Variants in TCF12 observed in about 807,000 individuals in gnomAD.
TCF12 encodes the protein DNA-binding protein HTF4.
In TCF12, 45 loss-of-function variants were observed where a neutral mutation model predicts 86.0. The observed-to-expected ratio is 0.52, with a 90% CI of 0.41 to 0.67. The LOEUF is 0.67. TCF12 is among the 30% of genes least tolerant of loss of function. The probability of loss-of-function intolerance (pLI) is 0.00; values close to 1 mark genes in which losing one functional copy is unlikely to be tolerated. For missense variants in TCF12, 881 were observed against 859.9 expected (o/e 1.02, Z -0.31); for synonymous variants, 330 against 299.6 (o/e 1.10, Z -1.05).
At chr15:56,954,507 A>C (rs1476013124) in intron 3 of TCF12, among the ~76,000 whole-genome samples, 1 of 152,364 alleles carries the variant, frequency 6.6e-6, no homozygotes, top group African/African-American at 2.4e-5. Flanking sequence ...GGAGATAGGC[A>C]TGGGCAAGGA....
intron 4 of TCF12, among the ~76,000 whole-genome samples, chr15:57,067,266 C>T (rs1367037397): frequency 6.6e-6 from 1 of 152,092 alleles, no homozygotes; most frequent in Non-Finnish European, 1.5e-5. Context: ...ATAGGCCGGG[C>T]GCGGTGGCTC....
chr15:57,180,806 A>ATTTTTTTT (rs34557385), intron 6 of TCF12, among the ~76,000 whole-genome samples: 839 of 82,114 alleles, frequency 0.01, 83 homozygotes, highest in South Asian at 0.023. Context: ...GATGCTAATA[A>ATTTTTTTT]TTTTTTTTTT....
chr15:57,243,689 C>T, intron 13 of TCF12, 139 bp downstream of exon 13: 1 of 655,234 alleles, frequency 1.5e-6, no homozygotes. Context: ...GTAAAGAGAG[C>T]CTTCCTCTTG....
intron 8 of TCF12, among the ~76,000 whole-genome samples, chr15:57,219,915 G>A (rs2058508957): frequency 6.6e-6 from 1 of 151,754 alleles, no homozygotes; most frequent in South Asian, 2.1e-4. Flanking sequence ...TAGTAGAGAC[G>A]CGGTTTTATC....
At chr15:57,026,280 A>G (rs2065821060) in intron 3 of TCF12, among the ~76,000 whole-genome samples, 2 of 152,234 alleles carry the variant, frequency 1.3e-5, no homozygotes, top group South Asian at 4.1e-4. Flanking sequence ...ATAGTGTGCC[A>G]AACTCTTCTC....
intron 8 of TCF12, among the ~76,000 whole-genome samples, chr15:57,220,951 A>G (rs1395414253): frequency 6.6e-6 from 1 of 152,154 alleles, no homozygotes; most frequent in African/African-American, 2.4e-5. Context: ...AGAATATTCA[A>G]TTACATTTTA....
chr15:57,047,157 C>T (rs191543109), intron 3 of TCF12, among the ~76,000 whole-genome samples: 60 of 152,266 alleles, frequency 3.9e-4, no homozygotes, highest in Admixed American at 3.5e-3. Flanking sequence ...ATTTTGCCAG[C>T]GTTTTGCTGT....
chr15:56,928,913 G>A (rs538301208), intron 3 of TCF12, among the ~76,000 whole-genome samples: 3 of 152,264 alleles, frequency 2.0e-5, no homozygotes, highest in South Asian at 2.1e-4. Context: ...AGGGTAGAAC[G>A]TATTCACTTT....
At chr15:57,221,852 G>T (rs1443477468) in intron 8 of TCF12, among the ~76,000 whole-genome samples, 1 of 151,976 alleles carries the variant, frequency 6.6e-6, no homozygotes, top group Non-Finnish European at 1.5e-5. Context: ...TAAGAAAATC[G>T]TGGTATGTAA....
At chr15:57,182,282 T>A (rs1231970004) in intron 6 of TCF12, among the ~76,000 whole-genome samples, 2 of 152,186 alleles carry the variant, frequency 1.3e-5, no homozygotes, top group African/African-American at 4.8e-5. Context: ...GTTGCCTAAA[T>A]GTTTGAAGAA....
At chr15:57,127,108 G>A (rs1052945158) in intron 5 of TCF12, among the ~76,000 whole-genome samples, 2 of 151,306 alleles carry the variant, frequency 1.3e-5, no homozygotes, top group South Asian at 4.2e-4. Context: ...TTAGCCTCCT[G>A]AGTAGCTGGG....
At chr15:57,188,722 A>G (rs1312445645) in intron 6 of TCF12, among the ~76,000 whole-genome samples, 1 of 152,348 alleles carries the variant, frequency 6.6e-6, no homozygotes, top group South Asian at 2.1e-4. Context: ...TGGGACTGGG[A>G]TAACTGGATA....
At chr15:57,219,126 C>G in intron 8 of TCF12, 1 of 1,063,350 alleles carries the variant, frequency 9.4e-7, no homozygotes, top group Non-Finnish European at 1.1e-6. Context: ...AAACTAAAAA[C>G]AGATTAGCAG....
chr15:57,234,164 ATTAGAT>A, intron 12 of TCF12, 57 bp downstream of exon 12: 1 of 1,354,272 alleles, frequency 7.4e-7, no homozygotes, highest in Non-Finnish European at 1.1e-6. Context: ...GAATACAGTG[ATTAGAT>A]TTTGTAGGTG....
chr15:57,028,537 TGCCAG>T (rs2065958727), intron 3 of TCF12, among the ~76,000 whole-genome samples: 1 of 152,212 alleles, frequency 6.6e-6, no homozygotes, highest in Admixed American at 6.5e-5. Context: ...TAAATCAAGT[TGCCAG>T]CTTTTTGTTA....
chr15:57,111,774 G>A (rs1013495391), intron 5 of TCF12, among the ~76,000 whole-genome samples: 1 of 151,596 alleles, frequency 6.6e-6, no homozygotes, highest in Non-Finnish European at 1.5e-5. Flanking sequence ...TGTATTTTTT[G>A]TGGAGACAGG....
intron 5 of TCF12, among the ~76,000 whole-genome samples, chr15:57,107,393 C>T (rs1414278193): frequency 6.6e-6 from 1 of 151,884 alleles, no homozygotes; most frequent in Non-Finnish European, 1.5e-5. Context: ...ACAATGGAGA[C>T]AGTAAAAAAG....
chr15:57,105,377 T>G (rs1216008479), intron 5 of TCF12, among the ~76,000 whole-genome samples: 1 of 152,182 alleles, frequency 6.6e-6, no homozygotes, highest in Non-Finnish European at 1.5e-5. Flanking sequence ...TGTGCCTCAT[T>G]GTACCTGCAT....
rs568772603 is a variant in TCF12, at chr15:57,223,322, C to T, written c.580-7830C>T. 3.3e-5 allele frequency among the ~76,000 whole-genome samples: 5 copies of T among 152,102 alleles called. No individual in the cohort carries two copies. In the South Asian group the frequency reaches 1.0e-3, roughly 32 times the overall value. Reference sequence around the variant, plus strand: ...AAGGGCCAAACTGAATTTATCCTGACTACCCATTTACATTAAAATATACTA... The same window carrying T: ...AAGGGCCAAACTGAATTTATCCTGATTACCCATTTACATTAAAATATACTA... On this transcript the variant is annotated intron_variant, in intron 8 of 20. Coordinates refer to ENST00000333725, the MANE Select transcript of TCF12 (RefSeq NM_207037.2).
Sources: allele counts gnomAD v4.1 joint callset (sites outside exome capture counted in the v4.1 genomes callset), GRCh38; gene constraint gnomAD v4.1.1; transcripts MANE v1.5; gene names NCBI Gene and HGNC (gene_info 2026-07-23, HGNC 2026-07-21).